MPZL3: variants seen among roughly 807,000 people sequenced by gnomAD.
The protein encoded by MPZL3 is myelin protein zero-like protein 3.
In MPZL3, 23 loss-of-function variants were observed where a neutral mutation model predicts 24.8. That is an observed-to-expected ratio of 0.93 (90% CI 0.67 to 1.31). The LOEUF is 1.31. Among genes scored for constraint, MPZL3 ranks in the 40% most tolerant of loss-of-function variants. The probability of loss-of-function intolerance (pLI) is 0.00; values close to 1 mark genes in which losing one functional copy is unlikely to be tolerated. For synonymous variants in MPZL3, 99 were observed against 106.5 expected, an observed-to-expected ratio of 0.93 and a Z score of 0.44; for missense variants, 277 against 294.9, an observed-to-expected ratio of 0.94 and a Z score of 0.44.
Position 118,240,199 on chromosome 11 carries a change from G to C in MPZL3, c.240+12C>G. Reference sequence around the variant, plus strand: ...TTGACCAAAGGAACATTCCGAAAAAGTACACACTTACTGATACTGTGTGGC... The same window carrying C: ...TTGACCAAAGGAACATTCCGAAAAACTACACACTTACTGATACTGTGTGGC... On this transcript the variant is annotated intron_variant, in intron 2 of 5. Coordinates refer to ENST00000278949, the MANE Select transcript of MPZL3 (RefSeq NM_198275.3). 6.6e-7 allele frequency: 1 copy of C among 1,523,346 alleles called. No individual in the cohort carries two copies. The highest frequency in any genetic ancestry group is 8.7e-7 in the Non-Finnish European group (1 of 1,143,182). 94.4% of individuals were successfully genotyped at this position (1,523,346 alleles called of 1,614,324 possible).
chr11:118,242,363 C>T (rs560839937), intron 1 of MPZL3, among the ~76,000 whole-genome samples: 1 of 152,194 alleles, frequency 6.6e-6, no homozygotes, highest in Non-Finnish European at 1.5e-5. Context: ...ACATGAAACG[C>T]TTGGCACAGC....
intron 1 of MPZL3, among the ~76,000 whole-genome samples, chr11:118,243,704 A>T (rs1465048057): frequency 6.6e-6 from 1 of 151,430 alleles, no homozygotes; most frequent in Non-Finnish European, 1.5e-5. Context: ...CCTGGGAAGC[A>T]GAGGTTGCAG....
intron 1 of MPZL3, among the ~76,000 whole-genome samples, chr11:118,240,776 C>CAT: frequency 6.8e-6 from 1 of 146,592 alleles, no homozygotes; most frequent in Non-Finnish European, 1.5e-5. Context: ...CACACACACA[C>CAT]ACACACACTC....
At chr11:118,235,311 T>A in intron 4 of MPZL3, 113 bp downstream of exon 4, 1 of 1,288,360 alleles carries the variant, frequency 7.8e-7, no homozygotes, top group South Asian at 1.6e-5. Context: ...GAAAAGAAAG[T>A]TCACCAGCAG....
At position 118,233,106 on chromosome 11, in the gene MPZL3, AG is replaced by A; in HGVS notation, c.681+353del. Among the ~76,000 whole-genome samples, 3 of 152,288 alleles carry A rather than the reference AG, an allele frequency of 2.0e-5. No individual in the cohort carries two copies. In the East Asian group the frequency reaches 5.8e-4, roughly 29 times the overall value. ...TCCCTGAAAAATACTACAGCTCAGTAGAAAAGTTAAATTCAGGGTCGAGTCC... is the reference window on the plus strand; with the variant it reads ...TCCCTGAAAAATACTACAGCTCAGTAAAAAGTTAAATTCAGGGTCGAGTCC... On this transcript the variant is annotated intron_variant, in intron 5 of 5. Transcript: ENST00000278949.
At chr11:118,245,018 G>A (rs923958022) in intron 1 of MPZL3, among the ~76,000 whole-genome samples, 2 of 152,114 alleles carry the variant, frequency 1.3e-5, no homozygotes, top group Non-Finnish European at 2.9e-5. Flanking sequence ...AGAGCTTGCC[G>A]TGAGCCGAAA....
chr11:118,242,822 C>A (rs1025253516), intron 1 of MPZL3, among the ~76,000 whole-genome samples: 1 of 152,184 alleles, frequency 6.6e-6, no homozygotes, highest in African/African-American at 2.4e-5. Flanking sequence ...CAGATGCCAT[C>A]GATTGCACCT....
At chr11:118,239,410 G>A (rs1276108547) in intron 2 of MPZL3, among the ~76,000 whole-genome samples, 4 of 152,128 alleles carry the variant, frequency 2.6e-5, no homozygotes, top group Non-Finnish European at 4.4e-5. Context: ...TCCAGTGAAG[G>A]AAATGGGATA....
intron 5 of MPZL3, among the ~76,000 whole-genome samples, chr11:118,233,258 C>T (rs766282756): frequency 2.0e-4 from 31 of 152,128 alleles, no homozygotes; most frequent in Middle Eastern, 3.2e-3. Flanking sequence ...TGCTCTACGA[C>T]CACGAGACAG....
chr11:118,231,011 C>T (rs962632608), intron 5 of MPZL3, among the ~76,000 whole-genome samples: 2 of 152,192 alleles, frequency 1.3e-5, no homozygotes, highest in Non-Finnish European at 2.9e-5. Context: ...ACATTGCCCT[C>T]CACGTATTGC....
At chr11:118,239,866 A>G (rs1949471437) in intron 2 of MPZL3, among the ~76,000 whole-genome samples, 1 of 152,240 alleles carries the variant, frequency 6.6e-6, no homozygotes, top group South Asian at 2.1e-4. Flanking sequence ...GGACCCATAG[A>G]ATTTTTCTAT....
chr11:118,244,739 G>T (rs904437596), intron 1 of MPZL3, among the ~76,000 whole-genome samples: 1 of 152,208 alleles, frequency 6.6e-6, no homozygotes, highest in African/African-American at 2.4e-5. Context: ...GTACTTAACT[G>T]TGGGACTGGG....
rs991142086 is a variant in MPZL3 at position 118,226,969 on chromosome 11, G to C, written c.*2925C>G. 2 of 152,230 alleles carry C rather than the reference G, an allele frequency of 1.3e-5. No homozygotes were observed. Among genetic ancestry groups the C allele is most frequent in the African/African-American group, 4.8e-5 (2 of 41,448 alleles). 9.4% of individuals were successfully genotyped at this position (152,230 alleles called of 1,614,324 possible). On this transcript the variant is annotated 3_prime_UTR_variant, in exon 6 of 6. Coordinates refer to ENST00000278949, the MANE Select transcript of MPZL3 (RefSeq NM_198275.3). ...TTTCCCTTTAGAACCATAACTGAGT[G>C]ACTTAGTAGAACATTCATATTCAGG...
intron 2 of MPZL3, among the ~76,000 whole-genome samples, chr11:118,239,307 C>A (rs1949464081): frequency 6.6e-6 from 1 of 152,110 alleles, no homozygotes; most frequent in Admixed American, 6.5e-5. Context: ...CACTGGAGTC[C>A]CCTACCTAGC....
chr11:118,245,480 T>C (rs1483868983), intron 1 of MPZL3, among the ~76,000 whole-genome samples: 1 of 152,246 alleles, frequency 6.6e-6, no homozygotes, highest in Non-Finnish European at 1.5e-5. Context: ...GTATCAAGGA[T>C]GACTGTCAGG....
intron 2 of MPZL3, among the ~76,000 whole-genome samples, chr11:118,239,280 T>C (rs1303542201): frequency 2.0e-5 from 3 of 152,168 alleles, no homozygotes; most frequent in African/African-American, 7.2e-5. Context: ...GGAGCATGAA[T>C]ACAGCCTAGC....
intron 4 of MPZL3, 84 bp downstream of exon 4, chr11:118,235,340 A>T (rs1949408870): frequency 6.8e-7 from 1 of 1,464,720 alleles, no homozygotes; most frequent in Admixed American, 2.1e-5. Context: ...TCGGTCCAGA[A>T]GAAAGGAAGG....
chr11:118,240,400 C>G (rs756919404), intron 1 of MPZL3, 23 bp from the exon 2 acceptor site: 18 of 1,585,424 alleles, frequency 1.1e-5, no homozygotes, highest in Non-Finnish European at 1.5e-5. Context: ...AACCCAAACA[C>G]TTAAAATGCA....
At chr11:118,238,147 G>A (rs371728733) in intron 2 of MPZL3, among the ~76,000 whole-genome samples, 2 of 148,090 alleles carry the variant, frequency 1.4e-5, no homozygotes, top group East Asian at 2.0e-4. Context: ...AAAAAAAAAA[G>A]AAAAAAAAGG....
Sources: gnomAD v4.1 joint callset for allele counts (sites outside exome capture counted in the v4.1 genomes callset) on GRCh38, gnomAD v4.1.1 for gene constraint, MANE v1.5 for transcripts, NCBI Gene and HGNC (gene_info 2026-07-23, HGNC 2026-07-21) for gene names.